The following PDIA5 variants were observed in gnomAD, a reference collection of about 807,000 sequenced individuals.
PDIA5 encodes the protein protein disulfide-isomerase A5.
PDIA5 carries 58 observed loss-of-function variants against 77.6 expected under a neutral mutation model. The ratio of observed to expected loss-of-function variants is 0.75; its 90% CI spans 0.61 to 0.93. The LOEUF (loss-of-function observed/expected upper bound fraction) is 0.93, where lower values mean the gene tolerates loss of function less well. Among genes scored for constraint, PDIA5 ranks in the 40% least tolerant of loss-of-function variants. PDIA5 has a pLI of 0.00. For synonymous variants in PDIA5, 250 were observed against 252.1 expected (o/e 0.99, Z 0.08); for missense variants, 630 against 647.7 (o/e 0.97, Z 0.30).
At position 123,152,434 on chromosome 3, in the gene PDIA5, A is replaced by G. The variant is rs1046103528; in HGVS notation, c.1273+2070A>G. 2.2e-4 allele frequency among the ~76,000 whole-genome samples: 34 copies of G among 152,326 alleles called. 2 individuals are homozygous for G. The highest frequency in any genetic ancestry group is 1.9e-3 in the Admixed American group (29 of 15,302). ...TTTTTCTGTCCCTAAACCTTGCCCC[A>G]GGGACATACATCTTTATCAGTGGGT... On this transcript the variant is annotated intron_variant, in intron 14 of 16. Coordinates refer to ENST00000316218, the MANE Select transcript of PDIA5 (RefSeq NM_006810.4).
intron 11 of PDIA5, among the ~76,000 whole-genome samples, chr3:123,143,907 C>T (rs1935699271): frequency 6.6e-6 from 1 of 152,186 alleles, no homozygotes; most frequent in African/African-American, 2.4e-5. Context: ...AGAGGAGGAG[C>T]TTCACAACAC....
At chr3:123,096,433 C>A (rs1233702559) in intron 3 of PDIA5, among the ~76,000 whole-genome samples, 1 of 152,210 alleles carries the variant, frequency 6.6e-6, no homozygotes, top group Non-Finnish European at 1.5e-5. Context: ...AAGCAATTCA[C>A]CTGCCTTGGC....
intron 15 of PDIA5, 141 bp from the exon 16 acceptor site, chr3:123,161,180 C>A: frequency 2.4e-6 from 2 of 825,384 alleles, no homozygotes; most frequent in Non-Finnish European, 3.8e-6. Flanking sequence ...GCTGGGGGTG[C>A]TTTGGTTCAG....
intron 1 of PDIA5, 49 bp downstream of exon 1, chr3:123,067,255 C>G: frequency 8.2e-7 from 1 of 1,223,576 alleles, no homozygotes; most frequent in Non-Finnish European, 1.0e-6. Context: ...GTGTGTCCCG[C>G]GTGCCCTTCT....
intron 16 of PDIA5, 106 bp from the exon 17 acceptor site, chr3:123,161,774 C>A: frequency 1.2e-6 from 1 of 800,680 alleles, no homozygotes; most frequent in Non-Finnish European, 2.1e-6. Context: ...CTCTCCCTGT[C>A]ATAGGAGTGA....
chr3:123,077,393 C>T (rs1415554799), intron 1 of PDIA5, among the ~76,000 whole-genome samples: 1 of 152,156 alleles, frequency 6.6e-6, no homozygotes, highest in Non-Finnish European at 1.5e-5. Flanking sequence ...AATCCCTAAG[C>T]CCTGGATTTG....
At chr3:123,106,668 A>G in intron 5 of PDIA5, 81 bp from the exon 6 acceptor site, 2 of 988,338 alleles carry the variant, frequency 2.0e-6, no homozygotes, top group Non-Finnish European at 3.2e-6. Flanking sequence ...CCAGGCAGGG[A>G]AAGAGGACAG....
chr3:123,113,544 G>A (rs142392893), intron 7 of PDIA5, among the ~76,000 whole-genome samples: 6 of 152,286 alleles, frequency 3.9e-5, no homozygotes, highest in East Asian at 1.9e-4. Flanking sequence ...GGGTCAGATC[G>A]GTTGCACTCC....
At chr3:123,079,161 G>A (rs1435779768) in intron 1 of PDIA5, among the ~76,000 whole-genome samples, 1 of 146,960 alleles carries the variant, frequency 6.8e-6, no homozygotes, top group South Asian at 2.2e-4. Context: ...GTTATACCAC[G>A]TATATTTTGA....
intron 3 of PDIA5, among the ~76,000 whole-genome samples, chr3:123,096,331 C>T (rs1447062483): frequency 2.8e-5 from 4 of 141,026 alleles, no homozygotes; most frequent in African/African-American, 1.1e-4. Context: ...CCCCAGTAGG[C>T]GCGTACCACC....
chr3:123,134,998 G>A (rs906954771), intron 11 of PDIA5, among the ~76,000 whole-genome samples: 4 of 152,220 alleles, frequency 2.6e-5, no homozygotes, highest in Admixed American at 2.6e-4. Context: ...TCACAGTGGG[G>A]CCTCACATGC....
At chr3:123,146,747 C>T (rs1935780762) in intron 13 of PDIA5, among the ~76,000 whole-genome samples, 1 of 152,172 alleles carries the variant, frequency 6.6e-6, no homozygotes, top group Non-Finnish European at 1.5e-5. Flanking sequence ...TTGCCATAAC[C>T]AAGTAACAGA....
At position 123,083,571 on chromosome 3, in the gene PDIA5, G is replaced by A. The variant is rs187204530; in HGVS notation, c.43-5597G>A. Among the ~76,000 whole-genome samples, 9 of 152,316 alleles carry A rather than the reference G, an allele frequency of 5.9e-5. No individual in the cohort carries two copies. The East Asian group carries it at 7.7e-4, about 13-fold the overall frequency. ...CTCTACCTCTAGAGCGATTGACTTC[G>A]AATGTAAAGAGCCTGCCAAGCCCAG... On this transcript the variant is annotated intron_variant, in intron 1 of 16. Transcript: ENST00000316218.
Position 123,154,802 on chromosome 3 carries a change from G to T in PDIA5, c.1274-169G>T, listed in dbSNP as rs368579854. On this transcript the variant is annotated intron_variant, in intron 14 of 16. Transcript: ENST00000316218. ...CCCCCCTACCAATAGATCAGACATG[G>T]GTGGGAGGTGGTTAGAGTGGCAAGG... Among the ~76,000 whole-genome samples the T allele has an allele frequency of 2.0e-4, 31 of 152,240 alleles. No homozygotes were observed. The East Asian group carries it at 5.0e-3, about 25-fold the overall frequency.
chr3:123,084,517 G>C (rs1222162686), intron 1 of PDIA5, among the ~76,000 whole-genome samples: 2 of 151,984 alleles, frequency 1.3e-5, no homozygotes, highest in East Asian at 3.9e-4. Flanking sequence ...CTCCCTCTGA[G>C]CCCGGTCCGT....
At chr3:123,104,632 G>C (rs78475739) in intron 5 of PDIA5, among the ~76,000 whole-genome samples, 311 of 152,362 alleles carry the variant, frequency 2.0e-3, no homozygotes, top group South Asian at 5.8e-3. Context: ...TAGGAAACTC[G>C]AAGTGGGGAA....
chr3:123,085,122 C>T (rs1025193850), intron 1 of PDIA5, among the ~76,000 whole-genome samples: 3 of 152,332 alleles, frequency 2.0e-5, no homozygotes, highest in African/African-American at 7.2e-5. Context: ...GCTGTGGACT[C>T]ACCCCATCAC....
rs778953044 is a variant in PDIA5 at position 123,161,462 on chromosome 3, G to T, written c.1479+7G>T. On this transcript the variant is annotated splice_region_variant and intron_variant, in intron 16 of 16. Transcript: ENST00000316218. ...GTATGACAGCGACCGCACAGTAAGT[G>T]GGGGAGAGGCGTCTGCCCAGAGCTC... 3.7e-6 allele frequency: 6 copies of T among 1,613,038 alleles called. No homozygotes were observed. Among genetic ancestry groups the T allele is most frequent in the South Asian group, 2.2e-5 (2 of 90,946 alleles).
chr3:123,113,796 C>T (rs1318765077), intron 7 of PDIA5, among the ~76,000 whole-genome samples: 1 of 152,156 alleles, frequency 6.6e-6, no homozygotes, highest in Admixed American at 6.5e-5. Context: ...TTGGTGGTGA[C>T]AAGGAACCTG....
Sources: gnomAD v4.1 joint callset for allele counts (sites outside exome capture counted in the v4.1 genomes callset) on GRCh38, gnomAD v4.1.1 for gene constraint, MANE v1.5 for transcripts, NCBI Gene and HGNC (gene_info 2026-07-23, HGNC 2026-07-21) for gene names.